The following ATP5F1A variants were observed in gnomAD, a reference collection of about 807,000 sequenced individuals.
ATP5F1A encodes the protein ATP synthase F(1) complex subunit alpha, mitochondrial.
Under a neutral mutation model 57.4 loss-of-function variants are expected in ATP5F1A, and 24 were observed. That is an observed-to-expected ratio of 0.42 (90% CI 0.30 to 0.59). The LOEUF (loss-of-function observed/expected upper bound fraction) is 0.59, where lower values mean the gene tolerates loss of function less well. Among genes scored for constraint, ATP5F1A ranks in the 20% least tolerant of loss-of-function variants. The pLI is 0.19. For synonymous variants in ATP5F1A, 251 were observed against 255.5 expected, an observed-to-expected ratio of 0.98 and a Z score of 0.17; for missense variants, 494 against 707.9, an observed-to-expected ratio of 0.70 and a Z score of 3.43.
In ATP5F1A at chr18:46,098,143, C is replaced by T. The variant is rs752163281; in HGVS notation, c.60+29G>A. On this transcript the variant is annotated intron_variant, in intron 1 of 11. Coordinates refer to ENST00000398752, the MANE Select transcript of ATP5F1A (RefSeq NM_004046.6). The stretch of plus-strand genomic sequence containing the variant: ...ACCACCCTGCAGCCCCACCCGGCCG[C>T]CTGCATCATGCCGGCCTTCGGTGCT... 12 of 1,591,236 alleles carry T rather than the reference C, an allele frequency of 7.5e-6. No homozygotes were observed. The South Asian group carries it at 1.2e-4, about 16-fold the overall frequency.
chr18:46,086,612 T>C (rs754647402), intron 8 of ATP5F1A, 118 bp from the exon 9 acceptor site: 1 of 933,442 alleles, frequency 1.1e-6, no homozygotes, highest in Non-Finnish European at 1.6e-6. Context: ...AAAGCATCAG[T>C]ACCCCAAATC....
intron 1 of ATP5F1A, 57 bp from the exon 2 acceptor site, chr18:46,095,188 C>G (rs1231695449): frequency 6.6e-7 from 1 of 1,519,772 alleles, no homozygotes; most frequent in Non-Finnish European, 9.0e-7. Context: ...ATAAAACTTA[C>G]AAGCTTAAAC....
rs1909761097 is a variant in ATP5F1A at position 46,081,691 on chromosome 18, A to AAACGAAAT, written c.*2590_*2591insATTTCGTT. The AAACGAAAT allele has an allele frequency of 6.7e-5, 10 of 150,328 alleles. No individual in the cohort carries two copies. Among genetic ancestry groups the AAACGAAAT allele is most frequent in the South Asian group, 2.1e-4 (1 of 4,796 alleles). The allele number at this position is 150,328 out of a possible 1,614,324, so 9.3% of individuals were successfully genotyped here. On this transcript the variant is annotated 3_prime_UTR_variant, in exon 12 of 12. Coordinates refer to ENST00000398752, the MANE Select transcript of ATP5F1A (RefSeq NM_004046.6). ...AAAAAAACAAAAAAAAAAAAAAAAA[A>AAACGAAAT]AAAAAACGAAATGTGCAGAACCTTC... is the stretch of plus-strand genomic sequence containing the variant.
Position 46,091,794 on chromosome 18 carries a change from A to G in ATP5F1A, c.197T>C (p.Val66Ala). ...GACACGCCCAGTTTCTTCAAGATCA[A>G]CAGAGGTATCAGCTCCAAGAATACG... Reference protein sequence around the residue: ...EERILGADTSVDLEETGRVLS... With the variant: ...EERILGADTSADLEETGRVLS... The change falls in exon 3 of 12, where the codon GTT (valine) becomes GCT (alanine). Residue 66 changes from valine to alanine, a missense_variant. Physicochemically the swap from Val to Ala is moderately conservative, Grantham distance 64. This residue lies in a region of ATP5F1A where 142 missense variants were observed against 137.5 expected (regional missense o/e 1.03). Transcript: ENST00000398752. The G allele has an allele frequency of 6.2e-7, 1 of 1,614,002 alleles. No homozygotes were observed.
chr18:46,095,760 G>A (rs548081691), intron 1 of ATP5F1A, among the ~76,000 whole-genome samples: 2 of 152,248 alleles, frequency 1.3e-5, no homozygotes, highest in Non-Finnish European at 2.9e-5. Context: ...GGGATCACAG[G>A]AGTGCGCCAC....
chr18:46,086,656 A>G (rs975934002), intron 8 of ATP5F1A, 162 bp from the exon 9 acceptor site: 20 of 654,368 alleles, frequency 3.1e-5, no homozygotes, highest in Admixed American at 9.1e-5. Context: ...TTATTGCTGC[A>G]ATTAGGAGAT....
chr18:46,094,104 T>C (rs1910760250), intron 2 of ATP5F1A, among the ~76,000 whole-genome samples: 1 of 145,946 alleles, frequency 6.9e-6, no homozygotes, highest in Admixed American at 6.8e-5. Flanking sequence ...CAAAACTCCA[T>C]CTCAAAAAAA....
rs1177357680 is a variant in ATP5F1A at position 46,081,992 on chromosome 18, A to T, written c.*2290T>A. ...ACAGCAAATCCCCATCAACAAAATA[A>T]AATGGCAAGGAAGGGGGAACCCTAG... On this transcript the variant is annotated 3_prime_UTR_variant, in exon 12 of 12. Coordinates refer to ENST00000398752, the MANE Select transcript of ATP5F1A (RefSeq NM_004046.6). 2 of 151,930 alleles carry T rather than the reference A, an allele frequency of 1.3e-5. No homozygotes were observed. The highest frequency in any genetic ancestry group is 2.4e-5 in the African/African-American group (1 of 41,412). The allele number at this position is 151,930 out of a possible 1,614,324, so 9.4% of individuals were successfully genotyped here. A position where few individuals can be genotyped will look rare whatever the true frequency, so the allele number is the denominator to read the frequency against.
intron 1 of ATP5F1A, among the ~76,000 whole-genome samples, chr18:46,096,706 G>A (rs1910983500): frequency 6.6e-6 from 1 of 151,774 alleles, no homozygotes; most frequent in Non-Finnish European, 1.5e-5. Context: ...AAGCGGCCGG[G>A]CACGACGGCT....
At chr18:46,088,286 T>C (rs180733765) in intron 5 of ATP5F1A, 29 bp from the exon 6 acceptor site, 2 of 1,544,394 alleles carry the variant, frequency 1.3e-6, no homozygotes, top group Admixed American at 2.2e-5. Flanking sequence ...AATATAAATC[T>C]TCCTAAACTT....
At chr18:46,096,281 A>G (rs1910943820) in intron 1 of ATP5F1A, among the ~76,000 whole-genome samples, 1 of 151,520 alleles carries the variant, frequency 6.6e-6, no homozygotes, top group Non-Finnish European at 1.5e-5. Flanking sequence ...CGGGCGGATT[A>G]CCTAAGGTCG....
chr18:46,094,352 T>C (rs542681561), intron 2 of ATP5F1A, among the ~76,000 whole-genome samples: 6 of 152,272 alleles, frequency 3.9e-5, no homozygotes, highest in South Asian at 4.1e-4. Context: ...AAATATCTAG[T>C]AGCTACTGCC....
chr18:46,100,037 G>A (rs1039956808), upstream of ATP5F1A, among the ~76,000 whole-genome samples: 1 of 151,840 alleles, frequency 6.6e-6, no homozygotes, highest in Non-Finnish European at 1.5e-5. Context: ...GATCACCTGA[G>A]GTCAGGAGTT....
chr18:46,096,811 G>A (rs983995739), intron 1 of ATP5F1A, among the ~76,000 whole-genome samples: 8 of 150,926 alleles, frequency 5.3e-5, no homozygotes, highest in African/African-American at 1.9e-4. Flanking sequence ...GTGAAACCCC[G>A]TCTCTACGAA....
chr18:46,086,774 C>T, intron 8 of ATP5F1A: 1 of 605,856 alleles, frequency 1.7e-6, no homozygotes, highest in Non-Finnish European at 2.9e-6. Context: ...GAAGGGAGAA[C>T]AGTAGTGGTT....
chr18:46,093,913 CCTGG>C (rs1309710560), intron 2 of ATP5F1A, among the ~76,000 whole-genome samples: 1 of 152,042 alleles, frequency 6.6e-6, no homozygotes, highest in African/African-American at 2.4e-5. Flanking sequence ...TCGAGACCAG[CCTGG>C]CTAACATGGT....
At chr18:46,087,889 A>C in intron 6 of ATP5F1A, 2 of 549,266 alleles carry the variant, frequency 3.6e-6, no homozygotes. Context: ...TCAAACAACA[A>C]AAAAAGAGTT....
In ATP5F1A at chr18:46,083,624, T is replaced by C. The variant is rs1568241785; in HGVS notation, c.*658A>G. On this transcript the variant is annotated 3_prime_UTR_variant, in exon 12 of 12. Transcript: ENST00000398752. ...GAGAAGCCAGCTATGCTCTTCAGTA[T>C]TGTCAGCCTGCCACATATATCCAGT... 1 of 152,214 alleles carries C rather than the reference T, an allele frequency of 6.6e-6. No homozygotes were observed. The allele number at this position is 152,214 out of a possible 1,614,324, so 9.4% of individuals were successfully genotyped here.
upstream of ATP5F1A, among the ~76,000 whole-genome samples, chr18:46,102,607 AG>A (rs368175597): frequency 2.1e-3 from 313 of 152,280 alleles, 1 homozygote; most frequent in African/African-American, 7.0e-3. Context: ...TATAGGTGTG[AG>A]GCACCGCATC....
Sources: gnomAD v4.1 joint callset for allele counts (sites outside exome capture counted in the v4.1 genomes callset) on GRCh38, gnomAD v4.1.1 for gene constraint, gnomAD v4.1.1 regional missense constraint, MANE v1.5 for transcripts, NCBI Gene and HGNC (gene_info 2026-07-23, HGNC 2026-07-21) for gene names.